Variants in NRXN3 observed in about 807,000 individuals in gnomAD.
The protein encoded by NRXN3 is neurexin 3, also known as neurexin III.
NRXN3 carries 32 observed loss-of-function variants against 137.6 expected under a neutral mutation model. That is an observed-to-expected ratio of 0.23 (90% CI 0.18 to 0.31). NRXN3 has a LOEUF of 0.31. Among genes scored for constraint, NRXN3 ranks in the 10% least tolerant of loss-of-function variants. NRXN3 has a pLI of 1.00. For missense variants in NRXN3, 1,574 were observed against 2,062.5 expected (o/e 0.76, Z 4.59); for synonymous variants, 798 against 784.5 (o/e 1.02, Z -0.29).
chr14:78,260,075 A>C (rs569221392), intron 2 of NRXN3, among the ~76,000 whole-genome samples: 2 of 152,222 alleles, frequency 1.3e-5, no homozygotes, highest in South Asian at 4.1e-4. Flanking sequence ...CACCTCATCC[A>C]ACAACAATGC....
chr14:79,663,034 G>A (rs1306001323), intron 16 of NRXN3, among the ~76,000 whole-genome samples: 1 of 151,976 alleles, frequency 6.6e-6, no homozygotes, highest in Non-Finnish European at 1.5e-5. Flanking sequence ...GTCTTTGATG[G>A]CCACAGAGGT....
At chr14:78,212,123 G>C (rs1054582160) in intron 1 of NRXN3, among the ~76,000 whole-genome samples, 4 of 152,162 alleles carry the variant, frequency 2.6e-5, no homozygotes, top group African/African-American at 9.7e-5. Flanking sequence ...GACACTTCTA[G>C]TACCAATAGG....
chr14:78,557,363 A>G (rs2096748881), intron 4 of NRXN3, among the ~76,000 whole-genome samples: 2 of 151,592 alleles, frequency 1.3e-5, no homozygotes, highest in African/African-American at 2.4e-5. Flanking sequence ...TGAGATCTCT[A>G]TCTTTAATAT....
intron 19 of NRXN3, among the ~76,000 whole-genome samples, chr14:79,721,866 A>G (rs2098845758): frequency 1.3e-5 from 2 of 152,092 alleles, no homozygotes; most frequent in South Asian, 2.1e-4. Context: ...CTAATAGTTT[A>G]CCCAGTTCTG....
At chr14:79,659,375 T>C (rs1330070295) in intron 16 of NRXN3, among the ~76,000 whole-genome samples, 1 of 152,184 alleles carries the variant, frequency 6.6e-6, no homozygotes, top group Non-Finnish European at 1.5e-5. Context: ...AGCTACACTT[T>C]GCATTTCTTA....
chr14:78,339,419 C>A (rs1372949815), intron 4 of NRXN3, among the ~76,000 whole-genome samples: 1 of 152,100 alleles, frequency 6.6e-6, no homozygotes, highest in South Asian at 2.1e-4. Flanking sequence ...CAGACACAGG[C>A]CCTTAGAGAG....
chr14:78,675,246 G>A (rs2097989764), intron 6 of NRXN3, among the ~76,000 whole-genome samples: 1 of 152,138 alleles, frequency 6.6e-6, no homozygotes, highest in Non-Finnish European at 1.5e-5. Context: ...GGAGACAGAA[G>A]AGAATCTCCC....
intron 16 of NRXN3, among the ~76,000 whole-genome samples, chr14:79,541,193 C>A (rs1203565296): frequency 2.0e-5 from 3 of 152,134 alleles, no homozygotes; most frequent in Non-Finnish European, 4.4e-5. Context: ...GGCAGACCAC[C>A]TGAGTTTGAG....
chr14:79,297,923 A>G (rs1477249144), intron 15 of NRXN3, among the ~76,000 whole-genome samples: 2 of 152,074 alleles, frequency 1.3e-5, no homozygotes, highest in East Asian at 3.9e-4. Context: ...TATGTTCCCC[A>G]TTATGCCCCT....
intron 4 of NRXN3, among the ~76,000 whole-genome samples, chr14:78,394,978 A>G (rs80264359): frequency 0.032 from 4,915 of 151,976 alleles, 264 homozygotes; most frequent in East Asian, 0.28. Context: ...CAGTCTTGCA[A>G]GATGCTTGTT....
chr14:79,691,670 G>A (rs930019854), intron 17 of NRXN3, among the ~76,000 whole-genome samples: 5 of 151,944 alleles, frequency 3.3e-5, no homozygotes, highest in East Asian at 1.9e-4. Flanking sequence ...TTCCCCTGTC[G>A]GAACATAAAG....
chr14:79,515,079 G>GGAGT (rs1396590188), intron 16 of NRXN3, among the ~76,000 whole-genome samples: 1 of 150,474 alleles, frequency 6.6e-6, no homozygotes, highest in African/African-American at 2.5e-5. Flanking sequence ...GAGGATTGAG[G>GGAGT]GAGTTAAATG....
intron 16 of NRXN3, among the ~76,000 whole-genome samples, chr14:79,593,488 G>A (rs928129627): frequency 1.3e-5 from 2 of 151,930 alleles, no homozygotes; most frequent in East Asian, 1.9e-4. Flanking sequence ...AAAATTAGCC[G>A]GGCGTGGTGG....
At chr14:78,891,739 T>G (rs751222628) in intron 10 of NRXN3, among the ~76,000 whole-genome samples, 11 of 152,004 alleles carry the variant, frequency 7.2e-5, no homozygotes, top group Non-Finnish European at 1.5e-4. Flanking sequence ...AAATGTGAGA[T>G]GATTAAGAAA....
chr14:79,397,496 C>A (rs2095060585), intron 15 of NRXN3, among the ~76,000 whole-genome samples: 1 of 152,298 alleles, frequency 6.6e-6, no homozygotes, highest in East Asian at 1.9e-4. Flanking sequence ...CACTTTGCCT[C>A]CCTGTTTCTC....
At chr14:78,905,331 A>G (rs1328656284) in intron 10 of NRXN3, among the ~76,000 whole-genome samples, 80 of 152,084 alleles carry the variant, frequency 5.3e-4, no homozygotes, top group Non-Finnish European at 1.6e-4. Context: ...CCTAAGTCAT[A>G]TGTTCTTTCT....
intron 14 of NRXN3, among the ~76,000 whole-genome samples, chr14:78,974,864 GA>G (rs1454255443): frequency 6.6e-6 from 1 of 152,150 alleles, no homozygotes; most frequent in Non-Finnish European, 1.5e-5. Context: ...GAAGATATAT[GA>G]CAAGGAAATG....
Position 78,918,713 on chromosome 14 carries a change from A to G in NRXN3, c.2276-38529A>G, listed in dbSNP as rs60775444. On this transcript the variant is annotated intron_variant, in intron 10 of 20. Coordinates refer to ENST00000335750, the MANE Select transcript of NRXN3 (RefSeq NM_001330195.2). ...TACAATGAATGTCCCAAAGATTGCA[A>G]TACTGTATTTTTACTGTATATTTTT... 9.2e-3 allele frequency among the ~76,000 whole-genome samples: 1,403 copies of G among 152,320 alleles called. 25 individuals carry two copies. Among genetic ancestry groups the G allele is most frequent in the African/African-American group, 0.032 (1,323 of 41,582 alleles).
chr14:78,540,611 A>G (rs2096580864), intron 4 of NRXN3, among the ~76,000 whole-genome samples: 1 of 152,042 alleles, frequency 6.6e-6, no homozygotes, highest in South Asian at 2.1e-4. Context: ...CATTTAGCCC[A>G]TTTACATTTA....
Sources: gnomAD v4.1 joint callset for allele counts (sites outside exome capture counted in the v4.1 genomes callset) on GRCh38, gnomAD v4.1.1 for gene constraint, MANE v1.5 for transcripts, NCBI Gene and HGNC (gene_info 2026-07-23, HGNC 2026-07-21) for gene names.